INPP4A: variants seen among roughly 807,000 people sequenced by gnomAD.
INPP4A encodes inositol polyphosphate-4-phosphatase type I A, also known as inositol polyphosphate-4-phosphatase, type I, 107kD.
A neutral mutation model predicts 119.8 loss-of-function variants in INPP4A; 33 were observed. The ratio of observed to expected loss-of-function variants is 0.28; its 90% CI spans 0.21 to 0.37. The LOEUF is 0.37. Ranked by LOEUF, INPP4A falls within the 10% of genes least tolerant of loss-of-function variation. INPP4A has a pLI of 1.00. For synonymous variants in INPP4A, 496 were observed against 500.7 expected (o/e 0.99, Z 0.12); for missense variants, 956 against 1,289.9 (o/e 0.74, Z 3.97).
At chr2:98,457,990 T>G (rs1696437709) in intron 1 of INPP4A, among the ~76,000 whole-genome samples, 2 of 151,550 alleles carry the variant, frequency 1.3e-5, no homozygotes, top group South Asian at 4.2e-4. Context: ...TTTTTTTTTT[T>G]TTTTTTTTTG....
At chr2:98,522,286 C>CAAAAAAAAA (rs199634396) in intron 4 of INPP4A, among the ~76,000 whole-genome samples, 2 of 56,302 alleles carry the variant, frequency 3.6e-5, no homozygotes, top group Non-Finnish European at 3.6e-5. Flanking sequence ...GACTCTGTCT[C>CAAAAAAAAA]AAAAAAAAAA....
chr2:98,455,557 T>C (rs1348844143), intron 1 of INPP4A, among the ~76,000 whole-genome samples: 2 of 152,106 alleles, frequency 1.3e-5, no homozygotes, highest in East Asian at 3.9e-4. Flanking sequence ...CTCACCCTCC[T>C]CCTTTCTTGT....
intron 10 of INPP4A, among the ~76,000 whole-genome samples, chr2:98,540,797 C>T (rs1045521749): frequency 1.3e-5 from 2 of 152,212 alleles, no homozygotes; most frequent in African/African-American, 4.8e-5. Context: ...CTCATGACCT[C>T]GTCATCTCTT....
chr2:98,449,648 G>A (rs533463064), intron 1 of INPP4A, among the ~76,000 whole-genome samples: 1 of 152,304 alleles, frequency 6.6e-6, no homozygotes, highest in South Asian at 2.1e-4. Context: ...CGAGATGTAG[G>A]CACTATGTAT....
In INPP4A at chr2:98,570,825, CCTG is replaced by C. The variant is rs1485918399; in HGVS notation, c.2519-1987_2519-1985del. Among the ~76,000 whole-genome samples, 1 of 152,232 alleles carries C rather than the reference CCTG, an allele frequency of 6.6e-6. No individual in the cohort carries two copies. Among genetic ancestry groups the C allele is most frequent in the East Asian group, 1.9e-4 (1 of 5,178 alleles). On this transcript the variant is annotated intron_variant, in intron 22 of 24. Coordinates refer to ENST00000409851, the MANE Select transcript of INPP4A (RefSeq NM_001134225.2). This position sits in a 1 kb window ranked among gnomAD's most constrained non-coding sequence, Gnocchi z 4.3. ...TCCCCAGTAAAACAGGTGTTCTTGT[CCTG>C]CTCAACATGAGAGAGGTGAGCACAG...
rs1175672013 is a variant in INPP4A, at chr2:98,591,179, G to T, written c.*3571G>T. 1.1e-5 allele frequency: 2 copies of T among 179,586 alleles called. No homozygotes were observed. Among genetic ancestry groups the T allele is most frequent in the African/African-American group, 4.7e-5 (2 of 42,424 alleles). The allele number at this position is 179,586 out of a possible 1,614,324, so 11.1% of individuals were successfully genotyped here. A position where few individuals can be genotyped will look rare whatever the true frequency, so the allele number is the denominator to read the frequency against. ...GAAATGGAGTCCTGGCTTCACCATG[G>T]AAGGTGGGACATATGGGACAGCCAT... On this transcript the variant is annotated 3_prime_UTR_variant, in exon 25 of 25. Coordinates refer to ENST00000409851, the MANE Select transcript of INPP4A (RefSeq NM_001134225.2).
At chr2:98,529,452 T>C (rs1194612779) in intron 4 of INPP4A, among the ~76,000 whole-genome samples, 1 of 152,136 alleles carries the variant, frequency 6.6e-6, no homozygotes, top group Admixed American at 6.5e-5. Flanking sequence ...AACCACAGAA[T>C]TGGGCTGGGC....
At position 98,534,337 on chromosome 2, in the gene INPP4A, C is replaced by T. The variant is rs557663887; in HGVS notation, c.270+842C>T. 2.6e-5 allele frequency among the ~76,000 whole-genome samples: 4 copies of T among 152,232 alleles called. No individual in the cohort carries two copies. The East Asian group carries it at 5.8e-4, about 22-fold the overall frequency. ...GGGAGGCAGAAATGAATATGGCTAC[C>T]CGTGTGCACAGCAGAGTATGGGAAG... is the stretch of plus-strand genomic sequence containing the variant. On this transcript the variant is annotated intron_variant, in intron 5 of 24. Transcript: ENST00000409851.
chr2:98,544,420 A>G (rs1692113250), intron 11 of INPP4A, among the ~76,000 whole-genome samples: 1 of 152,198 alleles, frequency 6.6e-6, no homozygotes, highest in Non-Finnish European at 1.5e-5. Flanking sequence ...GAAACAAAGC[A>G]GTTTTTCTTG....
intron 24 of INPP4A, among the ~76,000 whole-genome samples, chr2:98,579,004 G>C (rs918978500): frequency 6.6e-6 from 1 of 151,900 alleles, no homozygotes; most frequent in Non-Finnish European, 1.5e-5. Context: ...GCAAATAACA[G>C]TCTTGTGAGC....
chr2:98,499,684 T>C (rs948730709), intron 1 of INPP4A, among the ~76,000 whole-genome samples: 1 of 152,224 alleles, frequency 6.6e-6, no homozygotes, highest in Admixed American at 6.5e-5. Flanking sequence ...AAACTTAAAT[T>C]TTTTTAGAGC....
At chr2:98,565,530 A>G in intron 19 of INPP4A, 110 bp from the exon 20 acceptor site, 1 of 1,237,630 alleles carries the variant, frequency 8.1e-7, no homozygotes. Flanking sequence ...CCAGAGCCAC[A>G]CCTGCACCCC....
intron 1 of INPP4A, among the ~76,000 whole-genome samples, chr2:98,473,405 A>G (rs558810935): frequency 1.7e-3 from 252 of 150,880 alleles, no homozygotes; most frequent in Middle Eastern, 6.8e-3. Context: ...GTGTGAGGAC[A>G]GTGGAGAGTG....
intron 1 of INPP4A, among the ~76,000 whole-genome samples, chr2:98,474,359 C>T (rs1234058189): frequency 6.6e-6 from 1 of 152,194 alleles, no homozygotes. Context: ...AAGGACATCT[C>T]TGAAGTAGTT....
intron 1 of INPP4A, among the ~76,000 whole-genome samples, chr2:98,508,559 G>A (rs1230966148): frequency 6.6e-6 from 1 of 152,216 alleles, no homozygotes; most frequent in African/African-American, 2.4e-5. Flanking sequence ...GGAGCAGCAT[G>A]TCTCCTTTGA....
chr2:98,559,825 A>G (rs180876006), intron 17 of INPP4A, among the ~76,000 whole-genome samples: 1 of 152,326 alleles, frequency 6.6e-6, no homozygotes, highest in Admixed American at 6.5e-5. Context: ...CAGTTTTAGA[A>G]TTCTTACCAG....
Position 98,564,649 on chromosome 2 carries a change from C to T in INPP4A, c.2038C>T (p.Leu680Phe), listed in dbSNP as rs745792046. The change falls in exon 19 of 25, where the codon CTC (leucine) becomes TTC (phenylalanine). Residue 680 changes from leucine to phenylalanine, a missense_variant. Leu to Phe is a conservative substitution (Grantham distance 22). Coordinates refer to ENST00000409851, the MANE Select transcript of INPP4A (RefSeq NM_001134225.2). The stretch of plus-strand genomic sequence containing the variant: ...CCCCACGCTCCCACAGCTGACCGCC[C>T]TCATCTGCGGCTTCATCATTAAGCT... ...DVVFCQTLTA[L>F]ICGFIIKLRN... 1 of 1,613,298 alleles carries T rather than the reference C, an allele frequency of 6.2e-7. No homozygotes were observed. Among genetic ancestry groups the T allele is most frequent in the Non-Finnish European group, 8.5e-7 (1 of 1,179,810 alleles).
intron 6 of INPP4A, 61 bp downstream of exon 6, chr2:98,535,906 TTGAA>T: frequency 3.5e-6 from 3 of 858,320 alleles, no homozygotes; most frequent in Non-Finnish European, 5.8e-6. Context: ...ATATAATCGT[TTGAA>T]TGAGAGATGA....
chr2:98,469,608 G>A (rs887189859), intron 1 of INPP4A, among the ~76,000 whole-genome samples: 5 of 151,898 alleles, frequency 3.3e-5, no homozygotes, highest in African/African-American at 1.2e-4. Context: ...TTCGAGGCTA[G>A]CCTGACCAAC....
Sources: gnomAD v4.1 joint callset for allele counts (sites outside exome capture counted in the v4.1 genomes callset) on GRCh38, gnomAD v4.1.1 for gene constraint, Gnocchi (gnomAD v3.1) non-coding constraint, MANE v1.5 for transcripts, NCBI Gene and HGNC (gene_info 2026-07-23, HGNC 2026-07-21) for gene names.